Variants in STK24 observed in about 807,000 individuals in gnomAD.
The protein encoded by STK24 is serine/threonine-protein kinase 24.
In STK24, 21 loss-of-function variants were observed where a neutral mutation model predicts 55.6. The observed-to-expected ratio is 0.38, with a 90% CI of 0.27 to 0.54. The LOEUF is 0.54. Among genes scored for constraint, STK24 ranks in the 20% least tolerant of loss-of-function variants. The pLI is 0.79. For missense variants in STK24, 383 were observed against 538.4 expected, an observed-to-expected ratio of 0.71 and a Z score of 2.86; for synonymous variants, 200 against 215.2, an observed-to-expected ratio of 0.93 and a Z score of 0.62.
At chr13:98,567,300 G>A (rs768441939) in intron 1 of STK24, among the ~76,000 whole-genome samples, 14 of 152,052 alleles carry the variant, frequency 9.2e-5, no homozygotes, top group South Asian at 2.1e-4. Context: ...CGGGCTATTC[G>A]GCATCTGTGG....
chr13:98,466,858 G>C (rs1893943374), intron 5 of STK24, among the ~76,000 whole-genome samples: 2 of 146,260 alleles, frequency 1.4e-5, no homozygotes, highest in Non-Finnish European at 2.9e-5. Context: ...AGCAGGACCA[G>C]TAAGAGAGGT....
intron 2 of STK24, among the ~76,000 whole-genome samples, chr13:98,507,525 C>T (rs987479385): frequency 2.0e-5 from 3 of 152,218 alleles, no homozygotes; most frequent in African/African-American, 7.2e-5. Context: ...GGGCTAGCCA[C>T]CTCTGAAGGC....
chr13:98,490,157 T>C (rs1353573970), intron 2 of STK24, among the ~76,000 whole-genome samples: 2 of 152,106 alleles, frequency 1.3e-5, no homozygotes, highest in Non-Finnish European at 2.9e-5. Flanking sequence ...TTCTGTGACA[T>C]TGAGGAAACA....
intron 9 of STK24, among the ~76,000 whole-genome samples, chr13:98,459,987 A>G (rs1159389728): frequency 6.6e-6 from 1 of 152,204 alleles, no homozygotes; most frequent in Non-Finnish European, 1.5e-5. Flanking sequence ...CTCAGGGGAA[A>G]CCGGAGGACT....
chr13:98,486,348 C>G (rs2139312574), intron 2 of STK24, among the ~76,000 whole-genome samples: 1 of 152,234 alleles, frequency 6.6e-6, no homozygotes, highest in East Asian at 1.9e-4. Flanking sequence ...AACATGGGCG[C>G]CAGAAGAGGG....
chr13:98,462,445 G>C (rs547855605), intron 7 of STK24, among the ~76,000 whole-genome samples: 44 of 152,156 alleles, frequency 2.9e-4, no homozygotes, highest in Admixed American at 1.0e-3. Flanking sequence ...ATCACTCCCT[G>C]TCCTGTATGG....
chr13:98,556,474 T>G (rs1267138787), intron 1 of STK24, among the ~76,000 whole-genome samples: 1 of 152,182 alleles, frequency 6.6e-6, no homozygotes, highest in Non-Finnish European at 1.5e-5. Context: ...CCCCTTCTTC[T>G]TTTTGCTTAA....
intron 3 of STK24, among the ~76,000 whole-genome samples, chr13:98,478,740 A>G (rs1295572964): frequency 2.6e-5 from 4 of 152,152 alleles, no homozygotes; most frequent in Non-Finnish European, 5.9e-5. Context: ...TGATTAAGTG[A>G]CTGGTTTATG....
At chr13:98,548,636 T>C (rs1315373363) in intron 1 of STK24, among the ~76,000 whole-genome samples, 3 of 151,882 alleles carry the variant, frequency 2.0e-5, no homozygotes, top group Non-Finnish European at 1.5e-5. Flanking sequence ...CTGAGGTGGG[T>C]GGATTACCTG....
chr13:98,494,836 C>T (rs1895185369), intron 2 of STK24, among the ~76,000 whole-genome samples: 1 of 152,200 alleles, frequency 6.6e-6, no homozygotes, highest in Admixed American at 6.5e-5. Context: ...AGGGCACCCG[C>T]ACTGAGGCAC....
rs1566375010 is a variant in STK24 at position 98,507,440 on chromosome 13, T to G, written c.273+11803A>C. On this transcript the variant is annotated intron_variant, in intron 2 of 10. Transcript: ENST00000539966. ...CCTGGAATCTGAGTATTTGTCCTAG[T>G]GTTGATAGTAGAAGAAAAGGAAATC... Among the ~76,000 whole-genome samples, 3 of 152,288 alleles carry G rather than the reference T, an allele frequency of 2.0e-5. No homozygotes were observed. In the East Asian group the frequency reaches 5.8e-4, roughly 29 times the overall value.
intron 5 of STK24, among the ~76,000 whole-genome samples, chr13:98,467,944 A>T (rs1240375977): frequency 6.6e-6 from 1 of 152,234 alleles, no homozygotes; most frequent in African/African-American, 2.4e-5. Flanking sequence ...AACACGCCTG[A>T]GTCTGGTACA....
intron 2 of STK24, among the ~76,000 whole-genome samples, chr13:98,515,073 A>C (rs1415157787): frequency 6.6e-6 from 1 of 150,648 alleles, no homozygotes; most frequent in African/African-American, 2.5e-5. Flanking sequence ...CTCTGATAGA[A>C]TAGCAAGCTC....
intron 1 of STK24, chr13:98,542,795 T>C: frequency 1.0e-6 from 1 of 979,336 alleles, no homozygotes; most frequent in Non-Finnish European, 1.2e-6. Flanking sequence ...TATGCGTTTG[T>C]CTTTTACTCT....
At chr13:98,466,616 C>T in intron 5 of STK24, 55 bp from the exon 6 acceptor site, 1 of 1,576,942 alleles carries the variant, frequency 6.3e-7, no homozygotes, top group African/African-American at 1.3e-5. Flanking sequence ...TTCCAATACA[C>T]AGTATTTAGG....
intron 6 of STK24, among the ~76,000 whole-genome samples, chr13:98,465,154 C>T (rs2139264316): frequency 6.6e-6 from 1 of 152,338 alleles, no homozygotes; most frequent in East Asian, 1.9e-4. Context: ...AGCAGGAACA[C>T]CCAAACACCG....
At chr13:98,535,361 CAAAAA>C (rs34537903) in intron 1 of STK24, among the ~76,000 whole-genome samples, 11,066 of 63,938 alleles carry the variant, frequency 0.17, 508 homozygotes, top group Non-Finnish European at 0.23. Flanking sequence ...AACAAACAAA[CAAAAA>C]AAAAATATAT....
intron 2 of STK24, among the ~76,000 whole-genome samples, chr13:98,513,702 A>G (rs1009168269): frequency 6.6e-6 from 1 of 152,220 alleles, no homozygotes; most frequent in African/African-American, 2.4e-5. Context: ...ACTGCAAATC[A>G]TCTCTCCATA....
chr13:98,570,990 C>T (rs7985827), intron 1 of STK24, among the ~76,000 whole-genome samples: 36,581 of 152,024 alleles, frequency 0.24, 5,068 homozygotes, highest in African/African-American at 0.38. Context: ...TGAGCTAAGG[C>T]ATTAAAAGGC....
Sources: gnomAD v4.1 joint callset for allele counts (sites outside exome capture counted in the v4.1 genomes callset) on GRCh38, gnomAD v4.1.1 for gene constraint, MANE v1.5 for transcripts, NCBI Gene and HGNC (gene_info 2026-07-23, HGNC 2026-07-21) for gene names.